CNTNAP2: variants seen among roughly 807,000 people sequenced by gnomAD.
CNTNAP2 encodes the protein contactin-associated protein-like 2.
A neutral mutation model predicts 155.2 loss-of-function variants in CNTNAP2; 98 were observed. The observed-to-expected ratio is 0.63, with a 90% CI of 0.54 to 0.75. The LOEUF (loss-of-function observed/expected upper bound fraction) is 0.75, where lower values mean the gene tolerates loss of function less well. Ranked by LOEUF, CNTNAP2 falls within the 30% of genes least tolerant of loss-of-function variation. CNTNAP2 has a pLI of 0.00. For synonymous variants in CNTNAP2, 651 were observed against 631.2 expected (o/e 1.03, Z -0.47); for missense variants, 1,727 against 1,688.1 (o/e 1.02, Z -0.40).
chr7:146,838,667 A>C (rs1012336528), intron 2 of CNTNAP2, among the ~76,000 whole-genome samples: 17 of 152,188 alleles, frequency 1.1e-4, no homozygotes, highest in African/African-American at 4.1e-4. Context: ...AAGCTATTCT[A>C]TCATAGTTTT....
intron 4 of CNTNAP2, among the ~76,000 whole-genome samples, chr7:147,107,858 G>C (rs1027931120): frequency 6.6e-6 from 1 of 151,928 alleles, no homozygotes; most frequent in Non-Finnish European, 1.5e-5. Flanking sequence ...AGATTTCTAA[G>C]TTAAGATTTG....
At chr7:146,817,764 A>G (rs984514345) in intron 2 of CNTNAP2, among the ~76,000 whole-genome samples, 1 of 152,136 alleles carries the variant, frequency 6.6e-6, no homozygotes, top group African/African-American at 2.4e-5. Flanking sequence ...GTGCTAAACC[A>G]TTAATGAAAA....
At chr7:147,382,338 C>T (rs1796550386) in intron 9 of CNTNAP2, among the ~76,000 whole-genome samples, 1 of 151,956 alleles carries the variant, frequency 6.6e-6, no homozygotes, top group African/African-American at 2.4e-5. Context: ...GTAGTCTGGG[C>T]TCAGGTGGGA....
At chr7:147,015,371 G>C (rs1217660457) in intron 3 of CNTNAP2, among the ~76,000 whole-genome samples, 1 of 152,006 alleles carries the variant, frequency 6.6e-6, no homozygotes, top group South Asian at 2.1e-4. Flanking sequence ...GTATTGTTTT[G>C]TCTTCAAATG....
intron 1 of CNTNAP2, among the ~76,000 whole-genome samples, chr7:146,193,904 A>T (rs1393241883): frequency 6.6e-6 from 1 of 152,162 alleles, no homozygotes; most frequent in Non-Finnish European, 1.5e-5. Flanking sequence ...ATCTCTCTCA[A>T]GTTCAAAGTT....
chr7:147,084,048 CT>C lies in CNTNAP2; in HGVS notation c.551-24098del, dbSNP rs1219109296. Among the ~76,000 whole-genome samples, 16 of 119,140 alleles carry C rather than the reference CT, an allele frequency of 1.3e-4. No homozygotes were observed. The South Asian group carries it at 1.6e-3, about 12-fold the overall frequency. 78.2% of individuals were successfully genotyped at this position (119,140 alleles called of 152,430 possible). A position where few individuals can be genotyped will look rare whatever the true frequency, so the allele number is the denominator to read the frequency against. On this transcript the variant is annotated intron_variant, in intron 4 of 23. Transcript: ENST00000361727. ...ATATATAATACATATATGCATAATG[CT>C]ATATATGTATATATAATACATATAT...
chr7:146,780,433 C>T (rs962232809), intron 2 of CNTNAP2, among the ~76,000 whole-genome samples: 35 of 152,118 alleles, frequency 2.3e-4, no homozygotes, highest in African/African-American at 7.7e-4. Flanking sequence ...TTGTGATCCA[C>T]CCGCCTCGGC....
At chr7:146,731,404 A>G (rs1585063817) in intron 1 of CNTNAP2, among the ~76,000 whole-genome samples, 2 of 151,564 alleles carry the variant, frequency 1.3e-5, no homozygotes, top group African/African-American at 4.8e-5. Flanking sequence ...TATTTGCTTA[A>G]TATTTTTATA....
chr7:146,565,509 T>C (rs1798344210), intron 1 of CNTNAP2, among the ~76,000 whole-genome samples: 1 of 152,062 alleles, frequency 6.6e-6, no homozygotes, highest in Non-Finnish European at 1.5e-5. Context: ...AATAAATATA[T>C]GGGGGTAAGG....
intron 2 of CNTNAP2, among the ~76,000 whole-genome samples, chr7:146,796,814 AG>A (rs1802778738): frequency 1.3e-5 from 2 of 152,018 alleles, no homozygotes; most frequent in South Asian, 4.1e-4. Context: ...TTTCAAGCAG[AG>A]CTCAGAGGCA....
At chr7:147,762,194 G>A (rs1101041) in intron 13 of CNTNAP2, among the ~76,000 whole-genome samples, 4 of 147,210 alleles carry the variant, frequency 2.7e-5, no homozygotes, top group Admixed American at 6.7e-5. Flanking sequence ...CACACCATTC[G>A]GGTCAACAGA....
chr7:146,280,170 T>C (rs1800227965), intron 1 of CNTNAP2, among the ~76,000 whole-genome samples: 1 of 152,150 alleles, frequency 6.6e-6, no homozygotes, highest in Admixed American at 6.5e-5. Flanking sequence ...AGAACAATTC[T>C]TGTCCGACCA....
At chr7:146,652,805 T>C (rs761292214) in intron 1 of CNTNAP2, among the ~76,000 whole-genome samples, 4 of 152,142 alleles carry the variant, frequency 2.6e-5, no homozygotes, top group Non-Finnish European at 4.4e-5. Flanking sequence ...TTTGACATTA[T>C]AATTTTGTGG....
intron 1 of CNTNAP2, among the ~76,000 whole-genome samples, chr7:146,456,966 T>C (rs963585233): frequency 3.3e-5 from 5 of 152,180 alleles, no homozygotes; most frequent in African/African-American, 1.2e-4. Context: ...TCTTTGTCCA[T>C]ATAAAAATTT....
intron 18 of CNTNAP2, among the ~76,000 whole-genome samples, chr7:148,186,481 C>A (rs1795116435): frequency 6.6e-6 from 1 of 152,178 alleles, no homozygotes; most frequent in Admixed American, 6.5e-5. Context: ...ATAACACACT[C>A]ACTGGATCAG....
chr7:146,383,912 T>A (rs1795425257), intron 1 of CNTNAP2, among the ~76,000 whole-genome samples: 1 of 152,190 alleles, frequency 6.6e-6, no homozygotes, highest in South Asian at 2.1e-4. Flanking sequence ...TTTGATAGCA[T>A]AATAAGTATC....
At chr7:148,357,390 C>CT (rs1401186916) in intron 21 of CNTNAP2, among the ~76,000 whole-genome samples, 1 of 152,186 alleles carries the variant, frequency 6.6e-6, no homozygotes, top group East Asian at 1.9e-4. Context: ...TTGGTTATGT[C>CT]TTTATTAGCA....
At position 147,770,948 on chromosome 7, in the gene CNTNAP2, G is replaced by C. The variant is rs537827003; in HGVS notation, c.2098+131642G>C. Among the ~76,000 whole-genome samples the C allele has an allele frequency of 1.1e-4, 16 of 152,102 alleles. 1 individual carries two copies. The highest frequency in any genetic ancestry group is 1.9e-4 in the Non-Finnish European group (13 of 67,996). ...AGAAATCTTTCTACCATACATAAAAGCTTATTGTAAAGAAAGAATCATAAT... is the reference window on the plus strand; with the variant it reads ...AGAAATCTTTCTACCATACATAAAACCTTATTGTAAAGAAAGAATCATAAT... On this transcript the variant is annotated intron_variant, in intron 13 of 23. Transcript: ENST00000361727.
At position 146,479,819 on chromosome 7, in the gene CNTNAP2, C is replaced by G. The variant is rs1023741876; in HGVS notation, c.98-294452C>G. On this transcript the variant is annotated intron_variant, in intron 1 of 23. Coordinates refer to ENST00000361727, the MANE Select transcript of CNTNAP2 (RefSeq NM_014141.6). The stretch of plus-strand genomic sequence containing the variant: ...TATTTTTTTGAGACAGAGTCTTGCT[C>G]TGTCCCCCGGGCTGGAGTGCAGTGG... 5.3e-5 allele frequency among the ~76,000 whole-genome samples: 8 copies of G among 152,082 alleles called. No homozygotes were observed. In the South Asian group the frequency reaches 1.7e-3, roughly 32 times the overall value.
Sources: gnomAD v4.1 joint callset for allele counts (sites outside exome capture counted in the v4.1 genomes callset) on GRCh38, gnomAD v4.1.1 for gene constraint, MANE v1.5 for transcripts, NCBI Gene and HGNC (gene_info 2026-07-23, HGNC 2026-07-21) for gene names.